The following CCDC85A variants were observed in gnomAD, a reference collection of about 807,000 sequenced individuals.
CCDC85A encodes coiled-coil domain containing 85A, also known as coiled-coil domain-containing protein 85A.
Under a neutral mutation model 50.2 loss-of-function variants are expected in CCDC85A, and 38 were observed. The observed-to-expected ratio is 0.76, with a 90% CI of 0.58 to 0.99. CCDC85A has a LOEUF of 0.99. Ranked by LOEUF, CCDC85A falls within the 50% of genes least tolerant of loss-of-function variation. CCDC85A has a pLI of 0.00. For synonymous variants in CCDC85A, 366 were observed against 301.4 expected (o/e 1.21, Z -2.22); for missense variants, 820 against 742.0 (o/e 1.11, Z -1.22).
At chr2:56,365,406 T>G (rs1168393215) in intron 3 of CCDC85A, among the ~76,000 whole-genome samples, 1 of 152,128 alleles carries the variant, frequency 6.6e-6, no homozygotes, top group East Asian at 1.9e-4. Context: ...TCTGTATCAG[T>G]TATTCATATT....
intron 2 of CCDC85A, among the ~76,000 whole-genome samples, chr2:56,336,895 AAAG>A (rs923332027): frequency 6.6e-6 from 1 of 152,228 alleles, no homozygotes; most frequent in African/African-American, 2.4e-5. Flanking sequence ...GAGGAAAAAA[AAAG>A]AATTTAGTAT....
At chr2:56,237,820 A>G (rs747784388) in intron 2 of CCDC85A, among the ~76,000 whole-genome samples, 8 of 151,962 alleles carry the variant, frequency 5.3e-5, no homozygotes, top group Non-Finnish European at 8.8e-5. Flanking sequence ...TCTTTTGTCA[A>G]TGAAGAGAAA....
At chr2:56,208,250 T>C (rs1219252402) in intron 2 of CCDC85A, among the ~76,000 whole-genome samples, 1 of 152,172 alleles carries the variant, frequency 6.6e-6, no homozygotes, top group Admixed American at 6.5e-5. Flanking sequence ...GACTGGTTTT[T>C]ACAGTATTCA....
At chr2:56,246,368 A>C (rs1368181800) in intron 2 of CCDC85A, among the ~76,000 whole-genome samples, 2 of 152,196 alleles carry the variant, frequency 1.3e-5, no homozygotes, top group Non-Finnish European at 1.5e-5. Context: ...TTGAAGCATA[A>C]AAACATTTTT....
At chr2:56,369,946 A>C (rs958777429) in intron 3 of CCDC85A, among the ~76,000 whole-genome samples, 1 of 152,128 alleles carries the variant, frequency 6.6e-6, no homozygotes, top group African/African-American at 2.4e-5. Context: ...AGTGATTCAT[A>C]CTTCTTCATA....
intron 2 of CCDC85A, among the ~76,000 whole-genome samples, chr2:56,332,950 G>A (rs752841729): frequency 2.6e-4 from 39 of 152,198 alleles, no homozygotes; most frequent in Non-Finnish European, 4.3e-4. Flanking sequence ...ATTTCCTTAA[G>A]GGGAACTTCT....
chr2:56,270,927 C>T lies in CCDC85A; in HGVS notation c.1241-71952C>T, dbSNP rs543091889. Reference sequence around the variant, plus strand: ...ACATAATCAAGTGCCTTTTCTGTTTCATGCATTGTGTTAGTTACTAGTTGC... The same window carrying T: ...ACATAATCAAGTGCCTTTTCTGTTTTATGCATTGTGTTAGTTACTAGTTGC... On this transcript the variant is annotated intron_variant, in intron 2 of 5. Transcript: ENST00000407595. Among the ~76,000 whole-genome samples the T allele has an allele frequency of 1.1e-4, 16 of 152,332 alleles. No individual in the cohort carries two copies. The South Asian group carries it at 2.5e-3, about 24-fold the overall frequency.
intron 2 of CCDC85A, among the ~76,000 whole-genome samples, chr2:56,263,693 C>T (rs1387338614): frequency 6.6e-6 from 1 of 152,162 alleles, no homozygotes; most frequent in Non-Finnish European, 1.5e-5. Flanking sequence ...AGCCTTCTTC[C>T]TATAGTAGAG....
At chr2:56,269,896 G>A (rs1393699850) in intron 2 of CCDC85A, among the ~76,000 whole-genome samples, 18 of 152,086 alleles carry the variant, frequency 1.2e-4, no homozygotes, top group Admixed American at 1.2e-3. Context: ...TAGCTTTGCT[G>A]GTGAGTTTTA....
At chr2:56,262,639 T>A (rs1670268687) in intron 2 of CCDC85A, among the ~76,000 whole-genome samples, 1 of 152,202 alleles carries the variant, frequency 6.6e-6, no homozygotes, top group South Asian at 2.1e-4. Context: ...CTGTGGTATG[T>A]CATAGCAAGT....
At chr2:56,225,958 A>G (rs1668524261) in intron 2 of CCDC85A, among the ~76,000 whole-genome samples, 1 of 152,208 alleles carries the variant, frequency 6.6e-6, no homozygotes. Flanking sequence ...AAGAATTGAT[A>G]TATTTTCCAG....
intron 2 of CCDC85A, among the ~76,000 whole-genome samples, chr2:56,250,495 A>G (rs192268318): frequency 2.0e-5 from 3 of 152,304 alleles, no homozygotes; most frequent in Admixed American, 2.0e-4. Context: ...GAAGTTAGGA[A>G]ATGCCTAGTG....
chr2:56,271,264 C>G (rs983161310), intron 2 of CCDC85A, among the ~76,000 whole-genome samples: 1 of 152,126 alleles, frequency 6.6e-6, no homozygotes, highest in Admixed American at 6.5e-5. Flanking sequence ...TAATGAATTG[C>G]CAGCGAACAG....
chr2:56,384,074 A>G (rs987706855), intron 5 of CCDC85A, among the ~76,000 whole-genome samples, 192 bp from the exon 6 acceptor site: 1 of 151,776 alleles, frequency 6.6e-6, no homozygotes, highest in African/African-American at 2.4e-5. Flanking sequence ...AGTAGTCCCT[A>G]CTACTAAGTA....
At chr2:56,311,274 T>C (rs1205805885) in intron 2 of CCDC85A, among the ~76,000 whole-genome samples, 1 of 152,142 alleles carries the variant, frequency 6.6e-6, no homozygotes, top group African/African-American at 2.4e-5. Flanking sequence ...ATTTCACTCC[T>C]GCCCTCATTA....
intron 2 of CCDC85A, among the ~76,000 whole-genome samples, chr2:56,317,541 C>G (rs1181276852): frequency 2.0e-5 from 3 of 151,976 alleles, no homozygotes; most frequent in African/African-American, 7.2e-5. Flanking sequence ...TCCCCAGACT[C>G]TTCTTTTTCC....
chr2:56,230,248 A>C (rs1424992917), intron 2 of CCDC85A, among the ~76,000 whole-genome samples: 2 of 152,166 alleles, frequency 1.3e-5, no homozygotes, highest in Non-Finnish European at 2.9e-5. Context: ...TTTGCTTATG[A>C]TATTGGTAAC....
At chr2:56,202,815 G>C (rs938114430) in intron 2 of CCDC85A, among the ~76,000 whole-genome samples, 2 of 152,170 alleles carry the variant, frequency 1.3e-5, no homozygotes, top group African/African-American at 2.4e-5. Context: ...CATTAATTCA[G>C]CATCTCTTCT....
chr2:56,303,014 G>A (rs1263201416), intron 2 of CCDC85A, among the ~76,000 whole-genome samples: 1 of 152,176 alleles, frequency 6.6e-6, no homozygotes, highest in Non-Finnish European at 1.5e-5. Context: ...GAAGCAGGTC[G>A]AGCCAGGTTT....
Sources: allele counts gnomAD v4.1 joint callset (sites outside exome capture counted in the v4.1 genomes callset), GRCh38; gene constraint gnomAD v4.1.1; transcripts MANE v1.5; gene names NCBI Gene and HGNC (gene_info 2026-07-23, HGNC 2026-07-21).